The following RPS6KA2 variants were observed in gnomAD, a reference collection of about 807,000 sequenced individuals.
RPS6KA2 encodes ribosomal protein S6 kinase A2.
Under a neutral mutation model 91.8 loss-of-function variants are expected in RPS6KA2, and 42 were observed. The ratio of observed to expected loss-of-function variants is 0.46; its 90% CI spans 0.36 to 0.59. RPS6KA2 has a LOEUF of 0.59. RPS6KA2 is among the 20% of genes least tolerant of loss of function. RPS6KA2 has a pLI of 0.00. For missense variants in RPS6KA2, 798 were observed against 978.5 expected (o/e 0.82, Z 2.46); for synonymous variants, 414 against 393.6 (o/e 1.05, Z -0.61).
intron 2 of RPS6KA2, among the ~76,000 whole-genome samples, chr6:166,773,043 T>C (rs1326748831): frequency 6.6e-6 from 1 of 152,128 alleles, no homozygotes; most frequent in Admixed American, 6.5e-5. Context: ...CTCTACACCA[T>C]GGTCAGCCTG....
chr6:166,610,489 A>G (rs1786131386), intron 1 of RPS6KA2, among the ~76,000 whole-genome samples: 1 of 152,266 alleles, frequency 6.6e-6, no homozygotes, highest in South Asian at 2.1e-4. Flanking sequence ...ACTGGGTTAC[A>G]CACTTCATGA....
chr6:166,560,511 C>T (rs531434058), intron 1 of RPS6KA2, among the ~76,000 whole-genome samples: 4 of 152,196 alleles, frequency 2.6e-5, no homozygotes, highest in Non-Finnish European at 4.4e-5. Context: ...CCATACATTT[C>T]GCTTAAGATA....
chr6:166,560,793 T>C (rs1784320499), intron 1 of RPS6KA2, among the ~76,000 whole-genome samples: 1 of 152,132 alleles, frequency 6.6e-6, no homozygotes, highest in South Asian at 2.1e-4. Flanking sequence ...GCACCCCTCT[T>C]ACAACACTCT....
rs562820605 is a variant in RPS6KA2 at position 166,564,812 on chromosome 6, C to T, written c.100-26028G>A. The stretch of plus-strand genomic sequence containing the variant: ...GGTCGAGGGCTGCAGCGTGTCCCTG[C>T]GGCAGCATCACCTTTCTGAGAGTCC... On this transcript the variant is annotated intron_variant, in intron 1 of 20. Coordinates refer to ENST00000265678, the MANE Select transcript of RPS6KA2 (RefSeq NM_021135.6). Among the ~76,000 whole-genome samples the T allele has an allele frequency of 9.2e-5, 14 of 152,268 alleles. No homozygotes were observed. In the South Asian group the frequency reaches 1.0e-3, roughly 11 times the overall value.
In RPS6KA2 at chr6:166,737,491, ATAAAT is replaced by A. The variant is rs1328025326; in HGVS notation, c.123+120704_123+120708del. 6.6e-6 allele frequency among the ~76,000 whole-genome samples: 1 copy of A among 152,230 alleles called. No homozygotes were observed. Among genetic ancestry groups the A allele is most frequent in the Non-Finnish European group, 1.5e-5 (1 of 68,044 alleles). On this transcript the variant is annotated intron_variant, in intron 2 of 21. Transcript: ENST00000503859. The surrounding 1 kb of genome is among the most constrained non-coding windows in gnomAD (Gnocchi z 4.3). Reference sequence around the variant, plus strand: ...GCATCAAGCAGACAGTGAAAAATCTATAAATTAGAGATAAGCATCACACTCCAGAG... The same window carrying A: ...GCATCAAGCAGACAGTGAAAAATCTATAGAGATAAGCATCACACTCCAGAG...
intron 2 of RPS6KA2, among the ~76,000 whole-genome samples, chr6:166,667,078 A>C (rs1474702655): frequency 6.6e-6 from 1 of 152,200 alleles, no homozygotes; most frequent in African/African-American, 2.4e-5. Flanking sequence ...GAATGGTGGC[A>C]CCAGAGGATG....
chr6:166,720,034 C>T (rs1790128661), intron 2 of RPS6KA2, among the ~76,000 whole-genome samples: 1 of 152,164 alleles, frequency 6.6e-6, no homozygotes, highest in African/African-American at 2.4e-5. Flanking sequence ...AATCTTCAAG[C>T]CCCAAAATAC....
chr6:166,530,444 A>C (rs1210742312), intron 3 of RPS6KA2, among the ~76,000 whole-genome samples: 1 of 152,150 alleles, frequency 6.6e-6, no homozygotes, highest in Non-Finnish European at 1.5e-5. Flanking sequence ...CCTGCCTCTC[A>C]CCGTCTCGGC....
chr6:166,826,010 G>A (rs575789683), intron 2 of RPS6KA2, among the ~76,000 whole-genome samples: 2 of 152,280 alleles, frequency 1.3e-5, no homozygotes, highest in South Asian at 4.1e-4. Context: ...AATGAACCAA[G>A]GCAAGCACAA....
At position 166,617,189 on chromosome 6, in the gene RPS6KA2, T is replaced by C. The variant is rs62440506; in HGVS notation, c.99+9732A>G. On this transcript the variant is annotated intron_variant, in intron 1 of 20. Coordinates refer to ENST00000265678, the MANE Select transcript of RPS6KA2 (RefSeq NM_021135.6). ...ATCAGCAATGTCACGAAGGCCATCT[T>C]CCTAGAATAAAACCTATTCTAGAAG... 3.8e-3 allele frequency among the ~76,000 whole-genome samples: 577 copies of C among 152,366 alleles called. 3 individuals carry two copies. Among genetic ancestry groups the C allele is most frequent in the Middle Eastern group, 0.01 (3 of 294 alleles).
rs950184548 is a variant in RPS6KA2, at chr6:166,822,707, A to G, written c.123+35493T>C. Among the ~76,000 whole-genome samples, 80 of 152,186 alleles carry G rather than the reference A, an allele frequency of 5.3e-4. 1 individual carries two copies. Among genetic ancestry groups the G allele is most frequent in the Non-Finnish European group, 1.2e-4 (8 of 68,032 alleles). ...CATCCAGCAGAAAATCAGGACAAAG[A>G]TGTGGATTTGTCTGCCCTGTTCAGG... On this transcript the variant is annotated intron_variant, in intron 2 of 21. Transcript: ENST00000503859.
rs1316899182 is a variant in RPS6KA2, at chr6:166,419,950, C to T, written c.1752G>A (p.Lys584=). ...TANFVAPEVL[K]RQGYDAACDI... ...CACACGCCGCATCATAGCCTTGACG[C>T]TTCAGGACCTAGGAGGGAACGACAG... Residue 584 remains lysine (K), a synonymous_variant, in exon 18 of 21, where the codon AAG becomes AAA. Transcript: ENST00000265678. The surrounding 1 kb of genome is among the most constrained non-coding windows in gnomAD (Gnocchi z 5.6). 1 of 1,613,788 alleles carries T rather than the reference C, an allele frequency of 6.2e-7. No individual in the cohort carries two copies. Among genetic ancestry groups the T allele is most frequent in the African/African-American group, 1.3e-5 (1 of 75,046 alleles).
chr6:166,451,913 C>T (rs997663432), intron 12 of RPS6KA2, among the ~76,000 whole-genome samples: 4 of 152,032 alleles, frequency 2.6e-5, no homozygotes, highest in Non-Finnish European at 4.4e-5. Flanking sequence ...ATAAATCCCT[C>T]GTGGGGAAAA....
intron 3 of RPS6KA2, among the ~76,000 whole-genome samples, chr6:166,528,931 G>A (rs546331087): frequency 1.6e-4 from 24 of 152,358 alleles, no homozygotes; most frequent in Non-Finnish European, 3.2e-4. Flanking sequence ...ACAGGTGCTG[G>A]AGAGGATGTG....
At chr6:166,707,855 C>T (rs181247152) in intron 2 of RPS6KA2, among the ~76,000 whole-genome samples, 3 of 152,150 alleles carry the variant, frequency 2.0e-5, no homozygotes, top group East Asian at 1.9e-4. Flanking sequence ...GCAATCCTCC[C>T]GCCTCAGCCT....
intron 1 of RPS6KA2, among the ~76,000 whole-genome samples, chr6:166,597,816 G>A (rs1376337029): frequency 1.3e-5 from 2 of 152,078 alleles, no homozygotes; most frequent in Non-Finnish European, 2.9e-5. Context: ...CAGATTTCCG[G>A]AGTCCACGGG....
intron 3 of RPS6KA2, among the ~76,000 whole-genome samples, chr6:166,511,072 G>A (rs1330662080): frequency 2.0e-5 from 3 of 152,196 alleles, no homozygotes; most frequent in Non-Finnish European, 2.9e-5. Context: ...GGTGATGCCT[G>A]TACTTTAGCC....
At chr6:166,717,135 G>A (rs1238896831) in intron 2 of RPS6KA2, among the ~76,000 whole-genome samples, 1 of 152,204 alleles carries the variant, frequency 6.6e-6, no homozygotes, top group African/African-American at 2.4e-5. Context: ...GAAGGAGGTG[G>A]AGTGTGTCTG....
intron 2 of RPS6KA2, among the ~76,000 whole-genome samples, chr6:166,723,704 C>T (rs6902778): frequency 0.089 from 12,406 of 139,452 alleles, 2,050 homozygotes; most frequent in African/African-American, 0.32. Context: ...CTTTTCTTTT[C>T]TTTTTTTTTT....
Sources: allele counts gnomAD v4.1 joint callset (sites outside exome capture counted in the v4.1 genomes callset), GRCh38; gene constraint gnomAD v4.1.1; non-coding constraint Gnocchi (gnomAD v3.1); transcripts MANE v1.5; gene names NCBI Gene and HGNC (gene_info 2026-07-23, HGNC 2026-07-21).